The following P2RY12 variants were observed in gnomAD, a reference collection of about 807,000 sequenced individuals.
The protein encoded by P2RY12 is purinergic receptor P2Y12, also known as P2Y purinoceptor 12.
Under a neutral mutation model 4.5 loss-of-function variants are expected in P2RY12, and 3 were observed. That is an observed-to-expected ratio of 0.67 (90% CI 0.31 to 1.74). The LOEUF is 1.74. Ranked by LOEUF, P2RY12 falls within the 40% of genes most tolerant of loss-of-function variation. The probability of loss-of-function intolerance (pLI) is 0.09; values close to 1 mark genes in which losing one functional copy is unlikely to be tolerated. For synonymous variants in P2RY12, 148 were observed against 154.1 expected, an observed-to-expected ratio of 0.96 and a Z score of 0.29; for missense variants, 356 against 407.8, an observed-to-expected ratio of 0.87 and a Z score of 1.09.
At chr3:151,380,597 CA>C (rs56792030) in intron 1 of P2RY12, among the ~76,000 whole-genome samples, 8,359 of 113,122 alleles carry the variant, frequency 0.074, 258 homozygotes, top group East Asian at 0.12. Flanking sequence ...AACTCTGTCT[CA>C]AAAAAAAAAA....
chr3:151,344,442 T>C (rs905872561), intron 1 of P2RY12, among the ~76,000 whole-genome samples: 1 of 152,120 alleles, frequency 6.6e-6, no homozygotes, highest in East Asian at 1.9e-4. Context: ...CAAAATAGCA[T>C]GGTATATTGA....
At chr3:151,355,250 A>G in intron 1 of P2RY12, 1 of 1,574,186 alleles carries the variant, frequency 6.4e-7, no homozygotes, top group Admixed American at 1.7e-5. Flanking sequence ...GTAGCTATTT[A>G]AAGCTGTTTA....
rs754207964 is a variant in P2RY12, at chr3:151,338,186, G to A, written c.660C>T (p.Tyr220=). Residue 220 remains tyrosine, a synonymous_variant, in exon 3 of 3, where the codon TAC becomes TAT. Coordinates refer to ENST00000302632, the MANE Select transcript of P2RY12 (RefSeq NM_022788.5). ...CTTTACCTACACCCCTCGTTCTTACGTATGACCGGTACAGTTCTTTTGTAA... is the reference window on the plus strand; with the variant it reads ...CTTTACCTACACCCCTCGTTCTTACATATGACCGGTACAGTTCTTTTGTAA... ...TLITKELYRS[Y]VRTRGVGKVP... 3.8e-5 allele frequency: 62 copies of A among 1,613,820 alleles called. No homozygotes were observed. The highest frequency in any genetic ancestry group is 1.6e-4 in the Middle Eastern group (1 of 6,084).
rs544948498 is a variant in P2RY12, at chr3:151,372,773, T to C, written c.-180+11919A>G. 36 of 1,608,806 alleles carry C rather than the reference T, an allele frequency of 2.2e-5. No homozygotes were observed. In the East Asian group the frequency reaches 6.9e-4, roughly 31 times the overall value. ...GAGGACTATCTGTCAACAGGTATTC[T>C]AATTTAATTTGCCTTTTACTTTGAG... On this transcript the variant is annotated intron_variant, in intron 1 of 2. Transcript: ENST00000302632.
chr3:151,369,578 G>T, intron 1 of P2RY12: 4 of 1,420,716 alleles, frequency 2.8e-6, no homozygotes, highest in South Asian at 2.5e-5. Flanking sequence ...TAAGCTTCTT[G>T]GTTAATCACC....
intron 1 of P2RY12, among the ~76,000 whole-genome samples, chr3:151,367,122 T>C (rs1276502354): frequency 6.6e-6 from 1 of 152,180 alleles, no homozygotes; most frequent in Non-Finnish European, 1.5e-5. Context: ...CTGTCCTTTT[T>C]CTTCTTTTTA....
intron 1 of P2RY12, among the ~76,000 whole-genome samples, chr3:151,347,236 A>G (rs755815992): frequency 1.3e-5 from 2 of 152,096 alleles, no homozygotes; most frequent in Non-Finnish European, 2.9e-5. Context: ...TACAAAACTA[A>G]TTTTTCTCCT....
At chr3:151,382,978 C>T (rs1432939548) in intron 1 of P2RY12, among the ~76,000 whole-genome samples, 2 of 152,186 alleles carry the variant, frequency 1.3e-5, no homozygotes, top group Non-Finnish European at 2.9e-5. Flanking sequence ...GATTTGCCTT[C>T]TCTACCTCTA....
chr3:151,354,140 C>CAAAAAAAAAAAAAA, intron 1 of P2RY12, among the ~76,000 whole-genome samples: 2 of 62,844 alleles, frequency 3.2e-5, no homozygotes, highest in Non-Finnish European at 5.3e-5. Flanking sequence ...GACTCCGTCT[C>CAAAAAAAAAAAAAA]AAAAAAAAAA....
intron 1 of P2RY12, chr3:151,378,186 G>C: frequency 6.3e-7 from 1 of 1,591,284 alleles, no homozygotes; most frequent in Non-Finnish European, 8.6e-7. Flanking sequence ...GTGGCTGGAA[G>C]ATGGGCGTCT....
intron 1 of P2RY12, among the ~76,000 whole-genome samples, chr3:151,348,211 G>A (rs879151022): frequency 6.6e-6 from 1 of 151,892 alleles, no homozygotes; most frequent in Non-Finnish European, 1.5e-5. Context: ...TTTACATTAG[G>A]ACCATCTGAT....
At chr3:151,373,977 A>G (rs1408900454) in intron 1 of P2RY12, among the ~76,000 whole-genome samples, 1 of 152,136 alleles carries the variant, frequency 6.6e-6, no homozygotes, top group African/African-American at 2.4e-5. Flanking sequence ...ATATATCCAT[A>G]CACTTAAATA....
At chr3:151,364,104 TAG>T (rs1038634647) in intron 1 of P2RY12, among the ~76,000 whole-genome samples, 12 of 152,112 alleles carry the variant, frequency 7.9e-5, no homozygotes, top group African/African-American at 2.7e-4. Context: ...AGCTTTTGAG[TAG>T]AGAGAGTGAA....
chr3:151,342,182 A>G (rs1440142185), intron 1 of P2RY12, among the ~76,000 whole-genome samples: 1 of 152,212 alleles, frequency 6.6e-6, no homozygotes, highest in African/African-American at 2.4e-5. Context: ...GAACTAGTTT[A>G]TAGTCCCACC....
intron 1 of P2RY12, chr3:151,378,192 C>T (rs369895010): frequency 2.0e-5 from 31 of 1,582,356 alleles, no homozygotes; most frequent in East Asian, 4.6e-5. Context: ...GGAAGATGGG[C>T]GTCTGTGTGA....
rs554032128 is a variant in P2RY12, at chr3:151,373,793, C to T, written c.-180+10899G>A. 3.5e-3 allele frequency among the ~76,000 whole-genome samples: 532 copies of T among 152,064 alleles called. 4 individuals are homozygous for T. The highest frequency in any genetic ancestry group is 0.012 in the African/African-American group (517 of 41,482). ...AGTTGGTATTTTCATAGTTTCTGGC[C>T]CATGTTGTACTTTCTCTGCCCCGGG... is the stretch of plus-strand genomic sequence containing the variant. On this transcript the variant is annotated intron_variant, in intron 1 of 2. Transcript: ENST00000302632.
chr3:151,356,338 G>C (rs1577422343), intron 1 of P2RY12, among the ~76,000 whole-genome samples: 1 of 152,030 alleles, frequency 6.6e-6, no homozygotes, highest in South Asian at 2.1e-4. Flanking sequence ...GATGCAATAA[G>C]CCATGATCAT....
chr3:151,375,999 T>A (rs1371832431), intron 1 of P2RY12: 3 of 1,296,632 alleles, frequency 2.3e-6, no homozygotes, highest in Non-Finnish European at 3.1e-6. Context: ...CCAGTGCCTG[T>A]CAATCTAATT....
At chr3:151,376,854 A>C in intron 1 of P2RY12, 1 of 1,614,076 alleles carries the variant, frequency 6.2e-7, no homozygotes. Context: ...GCTAATGATC[A>C]AACAGTGCTT....
Sources: allele counts gnomAD v4.1 joint callset (sites outside exome capture counted in the v4.1 genomes callset), GRCh38; gene constraint gnomAD v4.1.1; transcripts MANE v1.5; gene names NCBI Gene and HGNC (gene_info 2026-07-23, HGNC 2026-07-21).